The following FYB1 variants were observed in gnomAD, a reference collection of about 807,000 sequenced individuals.
FYB1 encodes FYN binding protein 1.
Under a neutral mutation model 94.1 loss-of-function variants are expected in FYB1, and 41 were observed. That is an observed-to-expected ratio of 0.44 (90% confidence interval 0.34 to 0.57). The LOEUF is 0.57. Among genes scored for constraint, FYB1 ranks in the 20% least tolerant of loss-of-function variants. The pLI is 0.02. For synonymous variants in FYB1, 367 were observed against 353.2 expected, an observed-to-expected ratio of 1.04 and a Z score of -0.44; for missense variants, 1,050 against 976.8, an observed-to-expected ratio of 1.07 and a Z score of -1.00.
intron 1 of FYB1, among the ~76,000 whole-genome samples, chr5:39,228,701 A>G (rs1750589440): frequency 6.6e-6 from 1 of 152,214 alleles, no homozygotes. Context: ...TTAAAGAAAG[A>G]GGTTAGCAAA....
At chr5:39,212,329 TA>T (rs1260720774) in intron 1 of FYB1, among the ~76,000 whole-genome samples, 1 of 151,278 alleles carries the variant, frequency 6.6e-6, no homozygotes, top group Non-Finnish European at 1.5e-5. Context: ...AAATAAAAAA[TA>T]AAAAAAGGCA....
At chr5:39,215,384 T>C (rs1311734457) in intron 1 of FYB1, among the ~76,000 whole-genome samples, 2 of 151,892 alleles carry the variant, frequency 1.3e-5, no homozygotes, top group African/African-American at 4.8e-5. Flanking sequence ...TAAATAAAAA[T>C]ATTTTGAGTG....
intron 1 of FYB1, among the ~76,000 whole-genome samples, chr5:39,271,214 T>C (rs1752653932): frequency 6.6e-6 from 1 of 152,154 alleles, no homozygotes; most frequent in Non-Finnish European, 1.5e-5. Context: ...CTCATAAGCT[T>C]ATCATAGAAT....
chr5:39,177,813 A>G (rs1745875931), intron 2 of FYB1, among the ~76,000 whole-genome samples: 2 of 152,152 alleles, frequency 1.3e-5, no homozygotes, highest in Admixed American at 1.3e-4. Flanking sequence ...TTGAACAACA[A>G]AGTTGCTGAA....
chr5:39,151,227 C>T (rs948985470), intron 3 of FYB1, among the ~76,000 whole-genome samples: 3 of 152,212 alleles, frequency 2.0e-5, no homozygotes, highest in East Asian at 1.9e-4. Flanking sequence ...ACCTCTGCTC[C>T]GTTTTCCCTT....
chr5:39,242,599 T>C (rs573264147), intron 1 of FYB1, among the ~76,000 whole-genome samples: 1 of 152,114 alleles, frequency 6.6e-6, no homozygotes, highest in African/African-American at 2.4e-5. Flanking sequence ...ACAATAAACA[T>C]ATGTGTGCAT....
chr5:39,245,254 A>G (rs1013805142), intron 1 of FYB1, among the ~76,000 whole-genome samples: 1 of 152,212 alleles, frequency 6.6e-6, no homozygotes, highest in Non-Finnish European at 1.5e-5. Context: ...AAAATGAGAT[A>G]TAGGGTCAAA....
intron 1 of FYB1, among the ~76,000 whole-genome samples, chr5:39,231,177 AAAAC>A (rs141356720): frequency 0.13 from 17,984 of 141,622 alleles, 3,279 homozygotes; most frequent in African/African-American, 0.42. Context: ...AAAAACAAAA[AAAAC>A]AAAACAGCTG....
At chr5:39,149,617 A>G (rs761571620) in intron 3 of FYB1, among the ~76,000 whole-genome samples, 6 of 151,918 alleles carry the variant, frequency 3.9e-5, no homozygotes, top group Non-Finnish European at 8.8e-5. Context: ...CTCTCCTTTC[A>G]TACTCTTTTA....
intron 4 of FYB1, among the ~76,000 whole-genome samples, chr5:39,140,734 A>G (rs987889591): frequency 6.6e-6 from 1 of 152,206 alleles, no homozygotes; most frequent in Non-Finnish European, 1.5e-5. Flanking sequence ...AACAGGCTAA[A>G]CACACACATG....
chr5:39,200,143 G>A (rs1020348198), intron 2 of FYB1, among the ~76,000 whole-genome samples: 2 of 152,208 alleles, frequency 1.3e-5, no homozygotes, highest in African/African-American at 4.8e-5. Flanking sequence ...TCAGGAGCAG[G>A]GGAGGGTTGC....
chr5:39,170,770 T>C (rs1745184919), intron 2 of FYB1, among the ~76,000 whole-genome samples: 1 of 152,186 alleles, frequency 6.6e-6, no homozygotes, highest in Non-Finnish European at 1.5e-5. Flanking sequence ...ACTGTGACCT[T>C]CTGGATCTAT....
intron 2 of FYB1, among the ~76,000 whole-genome samples, chr5:39,175,140 G>A (rs1427335620): frequency 6.6e-6 from 1 of 152,168 alleles, no homozygotes; most frequent in Admixed American, 6.6e-5. Context: ...CTGGGGAAAG[G>A]GAAAAGGGGC....
intron 2 of FYB1, among the ~76,000 whole-genome samples, chr5:39,154,097 T>G (rs933442864): frequency 6.6e-6 from 1 of 152,140 alleles, no homozygotes; most frequent in African/African-American, 2.4e-5. Flanking sequence ...TATTCATCCT[T>G]TACATCAATA....
intron 3 of FYB1, among the ~76,000 whole-genome samples, chr5:39,152,966 A>G (rs1386387053): frequency 6.6e-6 from 1 of 152,220 alleles, no homozygotes; most frequent in Non-Finnish European, 1.5e-5. Flanking sequence ...GCTTCTTTGC[A>G]GAGCTAAAGT....
At chr5:39,150,562 T>G (rs550700880) in intron 3 of FYB1, among the ~76,000 whole-genome samples, 3 of 152,342 alleles carry the variant, frequency 2.0e-5, no homozygotes, top group Non-Finnish European at 4.4e-5. Flanking sequence ...TCTGTTGTGA[T>G]TTTAACATCT....
chr5:39,261,991 G>T (rs1752240411), intron 1 of FYB1, among the ~76,000 whole-genome samples: 1 of 152,062 alleles, frequency 6.6e-6, no homozygotes, highest in Admixed American at 6.5e-5. Flanking sequence ...AATATAAATG[G>T]TATCCTTATG....
chr5:39,184,178 C>T (rs918804658), intron 2 of FYB1, among the ~76,000 whole-genome samples: 1 of 151,552 alleles, frequency 6.6e-6, no homozygotes, highest in African/African-American at 2.4e-5. Context: ...TATATTATTC[C>T]CAAAAACTAT....
At chr5:39,232,840 AGTTTACTGAGAAT>A (rs1196087772) in intron 1 of FYB1, among the ~76,000 whole-genome samples, 1 of 151,176 alleles carries the variant, frequency 6.6e-6, no homozygotes, top group Non-Finnish European at 1.5e-5. Context: ...TTCTTGCGAT[AGTTTACTGAGAAT>A]GATGATTTCC....
Sources: allele counts gnomAD v4.1 joint callset (sites outside exome capture counted in the v4.1 genomes callset), GRCh38; gene constraint gnomAD v4.1.1; transcripts MANE v1.5; gene names NCBI Gene and HGNC (gene_info 2026-07-23, HGNC 2026-07-21).